The following AKT3 variants were observed in gnomAD, a reference collection of about 807,000 sequenced individuals.
The protein encoded by AKT3 is RAC-gamma serine/threonine-protein kinase.
A neutral mutation model predicts 65.3 loss-of-function variants in AKT3; 15 were observed. The ratio of observed to expected loss-of-function variants is 0.23; its 90% confidence interval spans 0.15 to 0.35. The LOEUF (loss-of-function observed/expected upper bound fraction) is 0.35. Ranked by LOEUF, AKT3 falls within the 10% of genes least tolerant of loss-of-function variation. The pLI is 1.00. For synonymous variants in AKT3, 206 were observed against 183.8 expected (o/e 1.12, Z -0.98); for missense variants, 243 against 576.5 (o/e 0.42, Z 5.92).
At chr1:243,532,641 A>G (rs910671016) in intron 12 of AKT3, among the ~76,000 whole-genome samples, 11 of 152,188 alleles carry the variant, frequency 7.2e-5, no homozygotes, top group Admixed American at 4.6e-4. Flanking sequence ...TAGTTTTGAC[A>G]TCAGGATAAT....
At chr1:243,609,681 T>A (rs1056771000) in intron 8 of AKT3, among the ~76,000 whole-genome samples, 1 of 152,046 alleles carries the variant, frequency 6.6e-6, no homozygotes, top group Non-Finnish European at 1.5e-5. Flanking sequence ...CTTCAAAATA[T>A]TAAATAATAC....
At chr1:243,588,487 A>G (rs1199110493) in intron 8 of AKT3, among the ~76,000 whole-genome samples, 2 of 152,224 alleles carry the variant, frequency 1.3e-5, no homozygotes, top group Non-Finnish European at 2.9e-5. Flanking sequence ...TCCAGAATAA[A>G]AACTAACACT....
chr1:243,758,442 A>G (rs1689279777), intron 2 of AKT3, among the ~76,000 whole-genome samples: 1 of 152,220 alleles, frequency 6.6e-6, no homozygotes, highest in African/African-American at 2.4e-5. Context: ...AATGCCTGAC[A>G]TGTTCCAGGA....
At chr1:243,670,307 T>C (rs1237816216) in intron 3 of AKT3, among the ~76,000 whole-genome samples, 1 of 152,206 alleles carries the variant, frequency 6.6e-6, no homozygotes, top group Non-Finnish European at 1.5e-5. Context: ...TTTGTTGCTG[T>C]ACAAAACAAA....
At chr1:243,578,370 C>G (rs1251914797) in intron 8 of AKT3, among the ~76,000 whole-genome samples, 1 of 152,152 alleles carries the variant, frequency 6.6e-6, no homozygotes, top group Non-Finnish European at 1.5e-5. Context: ...GGAATGAGCT[C>G]ATGTCCTCTG....
intron 2 of AKT3, among the ~76,000 whole-genome samples, chr1:243,728,338 A>G (rs1687342635): frequency 6.6e-6 from 1 of 152,168 alleles, no homozygotes; most frequent in South Asian, 2.1e-4. Flanking sequence ...TCTTCCCTCC[A>G]AGAAACCGCC....
intron 3 of AKT3, among the ~76,000 whole-genome samples, chr1:243,667,136 G>A (rs144083243): frequency 5.3e-4 from 80 of 152,262 alleles, no homozygotes; most frequent in African/African-American, 1.4e-3. Flanking sequence ...GTAAGACATC[G>A]TTACCATGAA....
chr1:243,554,342 A>G (rs1200484650), intron 10 of AKT3, among the ~76,000 whole-genome samples: 1 of 152,186 alleles, frequency 6.6e-6, no homozygotes, highest in Non-Finnish European at 1.5e-5. Context: ...AGATATGAAC[A>G]CATGTTTAGA....
intron 3 of AKT3, among the ~76,000 whole-genome samples, chr1:243,681,346 T>C (rs1191062341): frequency 2.6e-5 from 4 of 152,116 alleles, no homozygotes; most frequent in Non-Finnish European, 5.9e-5. Flanking sequence ...AAGAAATAAT[T>C]ATCTGCTGCT....
intron 4 of AKT3, among the ~76,000 whole-genome samples, chr1:243,658,170 G>C (rs950622300): frequency 6.6e-6 from 1 of 152,070 alleles, no homozygotes; most frequent in African/African-American, 2.4e-5. Context: ...GAAAACTACA[G>C]AATGAGAGAA....
intron 9 of AKT3, among the ~76,000 whole-genome samples, chr1:243,569,964 C>G (rs962913254): frequency 6.6e-6 from 1 of 152,142 alleles, no homozygotes; most frequent in African/African-American, 2.4e-5. Flanking sequence ...CATGAAGCAA[C>G]AGCAGTTTTC....
At chr1:243,512,730 A>T (rs1346710965) in intron 12 of AKT3, among the ~76,000 whole-genome samples, 2 of 152,204 alleles carry the variant, frequency 1.3e-5, no homozygotes, top group African/African-American at 4.8e-5. Context: ...ACAAACATAC[A>T]TGCAAAACCA....
intron 8 of AKT3, among the ~76,000 whole-genome samples, chr1:243,601,349 T>C (rs1406122301): frequency 6.6e-6 from 1 of 152,124 alleles, no homozygotes; most frequent in East Asian, 1.9e-4. Flanking sequence ...AGAAGTTCAA[T>C]ATCATTAGTT....
chr1:243,699,465 CTATATATATATATATATATATATATATA>C lies in AKT3; in HGVS notation c.47-3777_47-3750del, dbSNP rs58911364. Among the ~76,000 whole-genome samples, 43 of 103,614 alleles carry C rather than the reference CTATATATATATATATATATATATATATA, an allele frequency of 4.2e-4. No homozygotes were observed. The South Asian group carries it at 5.4e-3, about 13-fold the overall frequency. The allele number at this position is 103,614 out of a possible 152,430, so 68.0% of individuals were successfully genotyped here. ...AAGACTTCCAACCCAACCTCTTCCA[CTATATATATATATATATATATATATATA>C]TATATATATATATATATATAATCTT... On this transcript the variant is annotated intron_variant, in intron 2 of 13. Coordinates refer to ENST00000673466, the MANE Select transcript of AKT3 (RefSeq NM_005465.7).
At chr1:243,626,117 C>T (rs888161213) in intron 6 of AKT3, among the ~76,000 whole-genome samples, 4 of 152,058 alleles carry the variant, frequency 2.6e-5, no homozygotes, top group African/African-American at 9.7e-5. Context: ...TGAAGGGGCC[C>T]CGCTAGGCAG....
chr1:243,600,708 T>C (rs1484400236), intron 8 of AKT3, among the ~76,000 whole-genome samples: 1 of 152,126 alleles, frequency 6.6e-6, no homozygotes, highest in Non-Finnish European at 1.5e-5. Context: ...TTAACACTTC[T>C]AGAAGAAAGC....
intron 6 of AKT3, among the ~76,000 whole-genome samples, chr1:243,632,184 C>A (rs1679657082): frequency 6.6e-6 from 1 of 152,128 alleles, no homozygotes; most frequent in Non-Finnish European, 1.5e-5. Context: ...CTATCTATGG[C>A]AGTAATTACT....
intron 2 of AKT3, among the ~76,000 whole-genome samples, chr1:243,762,612 CATAAA>C (rs1689557861): frequency 6.6e-6 from 1 of 152,156 alleles, no homozygotes; most frequent in South Asian, 2.1e-4. Context: ...GAAATAATTT[CATAAA>C]ATAAACAGGA....
rs148524776 is a variant in AKT3, at chr1:243,702,109, C to CA, written c.47-6394dup. Among the ~76,000 whole-genome samples, 329 of 124,542 alleles carry CA rather than the reference C, an allele frequency of 2.6e-3. 1 individual carries two copies. The highest frequency in any genetic ancestry group is 6.3e-3 in the African/African-American group (207 of 32,816). The allele number at this position is 124,542 out of a possible 152,430, so 81.7% of individuals were successfully genotyped here. On this transcript the variant is annotated intron_variant, in intron 2 of 13. Transcript: ENST00000673466. Reference sequence around the variant, plus strand: ...GAGGGAGAGAGCCATAGAATTTATGCAAAAAAAAAAAAAAAAAAGCTGGCC... The same window carrying CA: ...GAGGGAGAGAGCCATAGAATTTATGCAAAAAAAAAAAAAAAAAAAGCTGGCC...
Sources: gnomAD v4.1 joint callset for allele counts (sites outside exome capture counted in the v4.1 genomes callset) on GRCh38, gnomAD v4.1.1 for gene constraint, MANE v1.5 for transcripts, NCBI Gene and HGNC (gene_info 2026-07-23, HGNC 2026-07-21) for gene names.